The following SPA17 variants were observed in gnomAD, a reference collection of about 807,000 sequenced individuals.
SPA17 encodes sperm surface protein Sp17.
In SPA17, 7 loss-of-function variants were observed where a neutral mutation model predicts 13.8. That is an observed-to-expected ratio of 0.51 (90% CI 0.29 to 0.95). The LOEUF (loss-of-function observed/expected upper bound fraction) is 0.95. Among genes scored for constraint, SPA17 ranks in the 40% least tolerant of loss-of-function variants. The pLI is 0.08. For synonymous variants in SPA17, 61 were observed against 59.0 expected, an observed-to-expected ratio of 1.03 and a Z score of -0.16; for missense variants, 170 against 179.3, an observed-to-expected ratio of 0.95 and a Z score of 0.30.
intron 2 of SPA17, 82 bp from the exon 3 acceptor site, chr11:124,681,307 G>C (rs1417161203): frequency 1.7e-6 from 2 of 1,156,756 alleles, no homozygotes; most frequent in Non-Finnish European, 1.2e-6. Flanking sequence ...TTTGAAACAA[G>C]AAACTTACAT....
chr11:124,682,170 A>C (rs951270064), intron 3 of SPA17, among the ~76,000 whole-genome samples: 1 of 152,134 alleles, frequency 6.6e-6, no homozygotes, highest in African/African-American at 2.4e-5. Context: ...CTGGTTAGGT[A>C]CCATCCTTGG....
At chr11:124,679,884 G>A (rs190924216) in intron 2 of SPA17, among the ~76,000 whole-genome samples, 14 of 152,132 alleles carry the variant, frequency 9.2e-5, no homozygotes, top group South Asian at 2.1e-4. Flanking sequence ...AGAATAATAC[G>A]TGCATTGGAT....
At chr11:124,679,310 CA>C (rs201973477) in intron 2 of SPA17, among the ~76,000 whole-genome samples, 50 of 138,662 alleles carry the variant, frequency 3.6e-4, no homozygotes, top group East Asian at 8.3e-4. Context: ...AAATGAACTT[CA>C]AAAAAAAAAA....
At chr11:124,685,375 T>G (rs1236047300) in intron 3 of SPA17, among the ~76,000 whole-genome samples, 2 of 152,246 alleles carry the variant, frequency 1.3e-5, no homozygotes, top group African/African-American at 2.4e-5. Context: ...AATTGAGGTT[T>G]GGGAAACTCC....
intron 3 of SPA17, among the ~76,000 whole-genome samples, chr11:124,687,469 A>C (rs1253601065): frequency 6.6e-6 from 1 of 152,134 alleles, no homozygotes; most frequent in Non-Finnish European, 1.5e-5. Flanking sequence ...ATATCACCCT[A>C]ATACCAAAAT....
intron 4 of SPA17, among the ~76,000 whole-genome samples, chr11:124,692,288 G>A (rs1591408381): frequency 6.6e-6 from 1 of 152,122 alleles, no homozygotes; most frequent in East Asian, 1.9e-4. Context: ...AAGCAGTCAA[G>A]ACATAGCGGA....
rs191029144 is a variant in SPA17 at position 124,675,337 on chromosome 11, C to A, written c.73C>A (p.Arg25Ser). The A allele has an allele frequency of 6.2e-7, 1 of 1,614,170 alleles. No individual in the cohort carries two copies. Among genetic ancestry groups the A allele is most frequent in the Non-Finnish European group, 8.5e-7 (1 of 1,180,040 alleles). Reference protein sequence around the residue: ...GFGNLLEGLTREILREQPDNI... With the variant: ...GFGNLLEGLTSEILREQPDNI... ...TGGGAATCTTCTTGAAGGGCTGACA[C>A]GCGAGATTCTGAGAGAGCAACCGGA... The change falls in exon 2 of 5, where the codon CGC (arginine) becomes AGC (serine). Residue 25 changes from arginine (R) to serine (S), a missense_variant. Transcript: ENST00000227135.
At position 124,696,182 on chromosome 11, in the gene SPA17, C is replaced by A. The variant is rs1386162161; in HGVS notation, c.*1736C>A. 2 of 152,304 alleles carry A rather than the reference C, an allele frequency of 1.3e-5. No individual in the cohort carries two copies. The highest frequency in any genetic ancestry group is 2.9e-5 in the Non-Finnish European group (2 of 68,138). The allele number at this position is 152,304 out of a possible 1,614,324, so 9.4% of individuals were successfully genotyped here. ...CCTTAACCCCTCTCCTCCAGGCTTA[C>A]AGAGGAAAAGAAATCAGTTCTCCTC... On this transcript the variant is annotated 3_prime_UTR_variant, in exon 5 of 5. Transcript: ENST00000227135.
At chr11:124,684,623 T>G (rs1183718022) in intron 3 of SPA17, among the ~76,000 whole-genome samples, 3 of 152,198 alleles carry the variant, frequency 2.0e-5, no homozygotes, top group Non-Finnish European at 4.4e-5. Flanking sequence ...GAAGCAACTT[T>G]GGAACTGGGT....
chr11:124,675,560 A>T, intron 2 of SPA17, 142 bp downstream of exon 2: 1 of 804,472 alleles, frequency 1.2e-6, no homozygotes, highest in South Asian at 1.9e-5. Flanking sequence ...GCTCTTTGAA[A>T]CAGTATGTAC....
chr11:124,687,212 C>A (rs901723326), intron 3 of SPA17, among the ~76,000 whole-genome samples: 6 of 151,974 alleles, frequency 3.9e-5, no homozygotes, highest in African/African-American at 1.4e-4. Context: ...TGGAAACATA[C>A]AACCTACCAA....
Position 124,682,005 on chromosome 11 carries a change from T to C in SPA17, c.225+546T>C, listed in dbSNP as rs536878484. On this transcript the variant is annotated intron_variant, in intron 3 of 4. Transcript: ENST00000227135. The stretch of plus-strand genomic sequence containing the variant: ...AAGGTGGTAATGGTGTAGTTTTCTC[T>C]ATAAAGCTAGCTTTTTCAGAGTCTG... Among the ~76,000 whole-genome samples, 713 of 152,320 alleles carry C rather than the reference T, an allele frequency of 4.7e-3. 8 individuals carry two copies. Among genetic ancestry groups the C allele is most frequent in the South Asian group, 0.022 (108 of 4,828 alleles).
intron 3 of SPA17, among the ~76,000 whole-genome samples, chr11:124,682,561 A>T (rs1017842289): frequency 2.0e-5 from 3 of 152,166 alleles, no homozygotes; most frequent in Non-Finnish European, 2.9e-5. Flanking sequence ...AAAAACCCTA[A>T]CATAAATTCT....
At chr11:124,690,629 A>G (rs1943616061) in intron 3 of SPA17, among the ~76,000 whole-genome samples, 1 of 152,058 alleles carries the variant, frequency 6.6e-6, no homozygotes, top group Non-Finnish European at 1.5e-5. Context: ...TAAAAGAAAA[A>G]GAAGAAATTC....
chr11:124,683,433 A>G (rs761406854), intron 3 of SPA17, among the ~76,000 whole-genome samples: 1 of 152,126 alleles, frequency 6.6e-6, no homozygotes, highest in Admixed American at 6.5e-5. Flanking sequence ...AGCAATTAAC[A>G]ATAAGACAAA....
Position 124,694,943 on chromosome 11 carries a change from A to C in SPA17, c.*497A>C, listed in dbSNP as rs1382048716. 6.6e-6 allele frequency: 1 copy of C among 152,514 alleles called. No individual in the cohort carries two copies. 9.4% of individuals were successfully genotyped at this position (152,514 alleles called of 1,614,324 possible). On this transcript the variant is annotated 3_prime_UTR_variant, in exon 5 of 5. Transcript: ENST00000227135. ...GCCAACATGGTGAAACCCCATGTCT[A>C]CTAAAAGTACAAAAATTGGCCAGGC...
chr11:124,692,581 A>G (rs1371439851), intron 4 of SPA17, among the ~76,000 whole-genome samples: 2 of 151,790 alleles, frequency 1.3e-5, no homozygotes, highest in African/African-American at 2.4e-5. Context: ...CTCCTTCTCA[A>G]AAAAAGAAAA....
At chr11:124,683,810 C>A (rs552435736) in intron 3 of SPA17, among the ~76,000 whole-genome samples, 1 of 152,242 alleles carries the variant, frequency 6.6e-6, no homozygotes, top group East Asian at 1.9e-4. Context: ...ACACCCAGCA[C>A]TGGAGCAACC....
intron 3 of SPA17, among the ~76,000 whole-genome samples, chr11:124,686,232 C>T (rs1015357997): frequency 2.4e-4 from 36 of 151,860 alleles, no homozygotes; most frequent in African/African-American, 8.5e-4. Context: ...CCTCTTTGCC[C>T]CACTCTCATT....
Sources: gnomAD v4.1 joint callset for allele counts (sites outside exome capture counted in the v4.1 genomes callset) on GRCh38, gnomAD v4.1.1 for gene constraint, MANE v1.5 for transcripts, NCBI Gene and HGNC (gene_info 2026-07-23, HGNC 2026-07-21) for gene names.